NEB: variants seen among roughly 807,000 people sequenced by gnomAD.
NEB encodes nebulin.
NEB carries 512 observed loss-of-function variants against 952.2 expected under a neutral mutation model. The ratio of observed to expected loss-of-function variants is 0.54; its 90% CI spans 0.50 to 0.58. The LOEUF (loss-of-function observed/expected upper bound fraction) is 0.58. NEB is among the 20% of genes least tolerant of loss of function. The pLI, the probability that NEB is intolerant of heterozygous loss-of-function variation, is 0.00. For synonymous variants in NEB, 2,900 were observed against 3,149.8 expected (o/e 0.92, Z 2.66); for missense variants, 8,428 against 9,231.1 (o/e 0.91, Z 3.56).
At chr2:151,610,978 A>G in intron 78 of NEB, 112 bp from the exon 79 acceptor site, 1 of 645,196 alleles carries the variant, frequency 1.5e-6, no homozygotes, top group South Asian at 2.6e-5. Context: ...ATTTAACTAT[A>G]AAATAGCTCC....
Position 151,650,702 on chromosome 2 carries a change from C to G in NEB, c.7099G>C (p.Val2367Leu). 1 of 1,613,906 alleles carries G rather than the reference C, an allele frequency of 6.2e-7. No homozygotes were observed. Residue 2367 changes from valine (V) to leucine (L), a missense_variant, in exon 53 of 182, where the codon GTA becomes CTA. Val to Leu is a conservative substitution (Grantham distance 32). Around this residue, in one of 11 missense-constraint regions of NEB, gnomAD observed 1,772 missense variants for 1,960.3 expected, o/e 0.90. Transcript: ENST00000397345. ...AACTCCTGACACTTCTTGGCCAGTA[C>G]CACTCCCAACATGTCCACTGGGCTG... Reference protein sequence around the residue: ...FSSPVDMLGVVLAKKCQELVS... With the variant: ...FSSPVDMLGVLLAKKCQELVS...
intron 34 of NEB, among the ~76,000 whole-genome samples, chr2:151,676,720 T>TA (rs1367931163): frequency 6.6e-6 from 1 of 152,216 alleles, no homozygotes; most frequent in Non-Finnish European, 1.5e-5. Context: ...CAGTTACCTG[T>TA]GTACAAGGCA....
chr2:151,633,164 T>C (rs2098702206), intron 65 of NEB, among the ~76,000 whole-genome samples: 1 of 152,194 alleles, frequency 6.6e-6, no homozygotes, highest in Non-Finnish European at 1.5e-5. Context: ...GCTCTGTCAT[T>C]ACCATGTGGC....
At chr2:151,644,323 TATCCTC>T in intron 56 of NEB, 139 bp downstream of exon 56, 1 of 1,049,704 alleles carries the variant, frequency 9.5e-7, no homozygotes, top group Non-Finnish European at 1.4e-6. Context: ...TCCTTGATCT[TATCCTC>T]ATCCCACACT....
intron 173 of NEB, among the ~76,000 whole-genome samples, chr2:151,494,564 C>G (rs2058820226): frequency 6.6e-6 from 1 of 152,176 alleles, no homozygotes; most frequent in African/African-American, 2.4e-5. Flanking sequence ...ATGATCCAAA[C>G]AGGAGTTACA....
intron 76 of NEB, among the ~76,000 whole-genome samples, chr2:151,615,063 G>A (rs941988236): frequency 1.3e-5 from 2 of 152,150 alleles, no homozygotes; most frequent in Non-Finnish European, 2.9e-5. Flanking sequence ...TGTGTCACCA[G>A]GAAATGGCTC....
Position 151,505,007 on chromosome 2 carries a change from G to T in NEB, c.23742+471C>A, listed in dbSNP as rs192413758. Among the ~76,000 whole-genome samples, 11 of 152,116 alleles carry T rather than the reference G, an allele frequency of 7.2e-5. No individual in the cohort carries two copies. The East Asian group carries it at 2.1e-3, about 29-fold the overall frequency. On this transcript the variant is annotated intron_variant, in intron 165 of 181. Transcript: ENST00000397345. The stretch of plus-strand genomic sequence containing the variant: ...AAGAGACTTCACATGTCTACCCAGG[G>T]TCTTTTTGGACACTGGGAATCCTAT...
chr2:151,683,008 T>C (rs1270405076), intron 28 of NEB, among the ~76,000 whole-genome samples: 1 of 152,226 alleles, frequency 6.6e-6, no homozygotes, highest in Non-Finnish European at 1.5e-5. Context: ...TGGAAGTCTG[T>C]GGTACTCTAA....
rs2096516198 is a variant in NEB at position 151,568,600 on chromosome 2, A to G, written c.17634+18T>C. The G allele has an allele frequency of 6.3e-7, 1 of 1,579,116 alleles. No individual in the cohort carries two copies. The highest frequency in any genetic ancestry group is 1.8e-5 in the Admixed American group (1 of 56,938). On this transcript the variant is annotated intron_variant, in intron 111 of 181. Coordinates refer to ENST00000397345, the MANE Select transcript of NEB (RefSeq NM_001164508.2). ...ATATCTGCATCACTGTGAGATTTTA[A>G]AACAGCCATATACTTACATCATCGA...
At position 151,667,793 on chromosome 2, in the gene NEB, G is replaced by T; in HGVS notation, c.4719+11C>A. 1 of 1,605,758 alleles carries T rather than the reference G, an allele frequency of 6.2e-7. No homozygotes were observed. The highest frequency in any genetic ancestry group is 8.5e-7 in the Non-Finnish European group (1 of 1,173,770). On this transcript the variant is annotated intron_variant, in intron 40 of 181. Transcript: ENST00000397345. Reference sequence around the variant, plus strand: ...TAGATAGAAAGTTTCCTACTTTTAAGTTAGACTTACATCACTAGCAATATT... The same window carrying T: ...TAGATAGAAAGTTTCCTACTTTTAATTTAGACTTACATCACTAGCAATATT...
chr2:151,684,920 T>A lies in NEB; in HGVS notation c.2693A>T (p.Asp898Val). 6.2e-7 allele frequency: 1 copy of A among 1,613,246 alleles called. No individual in the cohort carries two copies. ...CTTAGCTTGAGTGACTTGGAGCATATCAAGAGGTGCCGTGTAGATAGTTTT... is the reference window on the plus strand; with the variant it reads ...CTTAGCTTGAGTGACTTGGAGCATAACAAGAGGTGCCGTGTAGATAGTTTT... ...KSKTIYTAPL[D>V]MLQVTQAKKS... The change falls in exon 28 of 182, where the codon GAT becomes GTT. Residue 898 changes from aspartate to valine, a missense_variant. Asp to Val is a radical substitution (Grantham distance 152). Coordinates refer to ENST00000397345, the MANE Select transcript of NEB (RefSeq NM_001164508.2).
Position 151,723,476 on chromosome 2 carries a change from G to T in NEB, c.623C>A (p.Thr208Asn), listed in dbSNP as rs1236164056. The T allele has an allele frequency of 6.2e-7, 1 of 1,604,456 alleles. No individual in the cohort carries two copies. The highest frequency in any genetic ancestry group is 1.1e-5 in the South Asian group (1 of 89,158). ...NTAMFSKKLY[T>N]EDWEADKSLF... is the part of the protein sequence containing the mutation. Reference sequence around the variant, plus strand: ...ACTTTTGTCTGCTTCCCAGTCTTCAGTGTACAGTTTCTAAATCAAAAAAGA... The same window carrying T: ...ACTTTTGTCTGCTTCCCAGTCTTCATTGTACAGTTTCTAAATCAAAAAAGA... The change falls in exon 9 of 182, where the codon ACT (threonine) becomes AAT (asparagine). Residue 208 changes from threonine (T) to asparagine (N), a missense_variant. Transcript: ENST00000397345.
At position 151,642,628 on chromosome 2, in the gene NEB, C is replaced by A. The variant is rs746644593; in HGVS notation, c.8319G>T (p.Arg2773=). The change falls in exon 60 of 182, where the codon CGG becomes CGT. Residue 2773 remains arginine, a synonymous_variant. Coordinates refer to ENST00000397345, the MANE Select transcript of NEB (RefSeq NM_001164508.2). ...CTGCCTTGATAGGAATGGCATCTAC[C>A]CGCATGTCATAACCTTTCCTCTTGG... ...EEAKRKGYDM[R]VDAIPIKAAK... is the part of the protein sequence containing the mutation. The A allele has an allele frequency of 3.1e-6, 5 of 1,613,864 alleles. No homozygotes were observed. In the Admixed American group the frequency reaches 5.0e-5, roughly 16 times the overall value.
chr2:151,654,523 C>T (rs1032487427), intron 51 of NEB, among the ~76,000 whole-genome samples: 1 of 152,068 alleles, frequency 6.6e-6, no homozygotes, highest in Admixed American at 6.6e-5. Flanking sequence ...GATGAAATGC[C>T]TTTTATAAAT....
In NEB at chr2:151,656,238, T is replaced by C; in HGVS notation, c.6410A>G (p.Tyr2137Cys). ...GATGTACTTGTGAATCAGGTGCTTG[T>C]AGTTAGTGTTGGTGATGTTGGCTTG... The part of the protein sequence containing the change: ...DAQANITNTN[Y>C]KHLIHKYILL... Residue 2137 changes from tyrosine (Y) to cysteine (C), a missense_variant, in exon 49 of 182, where the codon TAC (tyrosine) becomes TGC (cysteine). This residue lies in a region of NEB where 2,851 missense variants were observed against 2,791.5 expected (regional missense o/e 1.02). Transcript: ENST00000397345. 1.2e-6 allele frequency: 2 copies of C among 1,613,396 alleles called. No homozygotes were observed. The highest frequency in any genetic ancestry group is 1.7e-6 in the Non-Finnish European group (2 of 1,179,572).
intron 60 of NEB, among the ~76,000 whole-genome samples, chr2:151,641,823 A>G (rs957399601): frequency 1.3e-5 from 2 of 152,176 alleles, no homozygotes; most frequent in African/African-American, 2.4e-5. Context: ...CAAATCCTTT[A>G]TTTATTATAC....
chr2:151,501,015 C>G (rs906943880), intron 168 of NEB, among the ~76,000 whole-genome samples: 2 of 152,152 alleles, frequency 1.3e-5, no homozygotes, highest in East Asian at 3.8e-4. Flanking sequence ...GCCACCATTT[C>G]TATATGTGGC....
At chr2:151,696,417 C>T (rs2099596504) in intron 17 of NEB, among the ~76,000 whole-genome samples, 3 of 152,176 alleles carry the variant, frequency 2.0e-5, no homozygotes, top group African/African-American at 7.2e-5. Context: ...CTTTCCATTG[C>T]TTTAAGCTAC....
intron 135 of NEB, 49 bp downstream of exon 135, chr2:151,545,839 T>C (rs1391389506): frequency 2.6e-6 from 3 of 1,171,666 alleles, no homozygotes; most frequent in East Asian, 2.4e-5. Flanking sequence ...GTAATTCAGT[T>C]TGTACTGGTC....
Sources: allele counts gnomAD v4.1 joint callset (sites outside exome capture counted in the v4.1 genomes callset), GRCh38; gene constraint gnomAD v4.1.1; regional missense constraint gnomAD v4.1.1; transcripts MANE v1.5; gene names NCBI Gene and HGNC (gene_info 2026-07-23, HGNC 2026-07-21).